Variants in TSC22D1 observed in about 807,000 individuals in gnomAD.
TSC22D1 encodes TSC22 domain family member 1.
TSC22D1 carries 9 observed loss-of-function variants against 74.2 expected under a neutral mutation model. The observed-to-expected ratio is 0.12, with a 90% confidence interval of 0.07 to 0.21. TSC22D1 has a LOEUF of 0.21. TSC22D1 is among the 10% of genes least tolerant of loss of function. The pLI is 1.00. For synonymous variants in TSC22D1, 586 were observed against 492.5 expected (o/e 1.19, Z -2.51); for missense variants, 1,427 against 1,304.7 (o/e 1.09, Z -1.44).
At chr13:44,554,120 G>C (rs1038219993) in intron 1 of TSC22D1, among the ~76,000 whole-genome samples, 4 of 152,118 alleles carry the variant, frequency 2.6e-5, no homozygotes, top group Non-Finnish European at 4.4e-5. Context: ...TCGATTTACA[G>C]AACTATCAAG....
intron 1 of TSC22D1, among the ~76,000 whole-genome samples, chr13:44,463,197 G>C (rs1877094641): frequency 6.6e-6 from 1 of 152,150 alleles, no homozygotes; most frequent in Non-Finnish European, 1.5e-5. Flanking sequence ...CACCATCTCT[G>C]TATAAGCATA....
At chr13:44,454,372 A>G (rs1315851176) in intron 1 of TSC22D1, among the ~76,000 whole-genome samples, 1 of 152,178 alleles carries the variant, frequency 6.6e-6, no homozygotes, top group Admixed American at 6.5e-5. Context: ...ACATTATGTA[A>G]ACATATATAA....
chr13:44,518,722 T>C lies in TSC22D1; in HGVS notation c.2912+54441A>G, dbSNP rs1024781030. 7.2e-5 allele frequency among the ~76,000 whole-genome samples: 11 copies of C among 152,270 alleles called. No homozygotes were observed. In the South Asian group the frequency reaches 2.3e-3, roughly 32 times the overall value. ...ATCTTAAAAGGAAAGACATTGCGCT[T>C]TGATTGTATTTAATAGGCAAACTGA... On this transcript the variant is annotated intron_variant, in intron 1 of 2. Coordinates refer to ENST00000458659, the MANE Select transcript of TSC22D1 (RefSeq NM_183422.4).
intron 1 of TSC22D1, among the ~76,000 whole-genome samples, chr13:44,467,891 G>C (rs1953061): frequency 0.34 from 51,800 of 151,900 alleles, 10,379 homozygotes; most frequent in Middle Eastern, 0.54. Flanking sequence ...CCACTACTGG[G>C]TATTTACCAA....
intron 1 of TSC22D1, among the ~76,000 whole-genome samples, chr13:44,554,138 C>T (rs924895615): frequency 6.6e-6 from 1 of 152,226 alleles, no homozygotes; most frequent in Non-Finnish European, 1.5e-5. Context: ...AAGAACTGAG[C>T]CAGGTGCATT....
intron 1 of TSC22D1, among the ~76,000 whole-genome samples, chr13:44,525,248 A>C (rs536370172): frequency 7.9e-5 from 12 of 152,300 alleles, no homozygotes; most frequent in Middle Eastern, 3.4e-3. Flanking sequence ...TACTACAATC[A>C]ACAGAGCTCC....
Position 44,575,671 on chromosome 13 carries a change from G to A in TSC22D1, c.404C>T (p.Thr135Ile). ...TTCATCCAGATCATCATAGCTCTCA[G>A]TGTCCTCTGCTATACTGTTGTTAGA... ...ISSNNSIAEDTESYDDLDESH... is the reference protein window; with the variant it reads ...ISSNNSIAEDIESYDDLDESH... The change falls in exon 1 of 3, where the codon ACT becomes ATT. Residue 135 changes from threonine to isoleucine, a missense_variant. By Grantham distance (89) the Thr-to-Ile change is moderately conservative. Around this residue, in one of 3 missense-constraint regions of TSC22D1, gnomAD observed 1,343 missense variants for 1,191.5 expected, o/e 1.13. Transcript: ENST00000458659. 3 of 1,614,200 alleles carry A rather than the reference G, an allele frequency of 1.9e-6. No homozygotes were observed. Among genetic ancestry groups the A allele is most frequent in the Non-Finnish European group, 2.5e-6 (3 of 1,180,028 alleles).
At chr13:44,530,779 G>A (rs1377355406) in intron 1 of TSC22D1, among the ~76,000 whole-genome samples, 1 of 152,056 alleles carries the variant, frequency 6.6e-6, no homozygotes, top group Non-Finnish European at 1.5e-5. Context: ...TTAGGGAATT[G>A]CAAATTAAAA....
intron 1 of TSC22D1, among the ~76,000 whole-genome samples, chr13:44,490,898 G>A (rs1013319140): frequency 2.1e-5 from 3 of 145,412 alleles, no homozygotes; most frequent in Admixed American, 6.9e-5. Flanking sequence ...GTGAAACTCC[G>A]TCTCATTAAA....
At chr13:44,512,809 C>A (rs889019391) in intron 1 of TSC22D1, among the ~76,000 whole-genome samples, 9 of 152,216 alleles carry the variant, frequency 5.9e-5, no homozygotes, top group Admixed American at 5.9e-4. Context: ...GCCATCACGC[C>A]CAGCTAATTA....
chr13:44,561,812 G>C (rs532938033), intron 1 of TSC22D1, among the ~76,000 whole-genome samples: 10 of 152,040 alleles, frequency 6.6e-5, no homozygotes, highest in African/African-American at 2.4e-4. Flanking sequence ...ATTTAAAATA[G>C]GTGAAAAAAA....
rs909913561 is a variant in TSC22D1 at position 44,538,353 on chromosome 13, T to G, written c.2912+34810A>C. The G allele has an allele frequency of 4.1e-5, 40 of 985,236 alleles. No homozygotes were observed. The Middle Eastern group carries it at 2.1e-3, about 51-fold the overall frequency. The allele number at this position is 985,236 out of a possible 1,614,324, so 61.0% of individuals were successfully genotyped here. A position where few individuals can be genotyped will look rare whatever the true frequency, so the allele number is the denominator to read the frequency against. On this transcript the variant is annotated intron_variant, in intron 1 of 2. Transcript: ENST00000458659. The stretch of plus-strand genomic sequence containing the variant: ...TGAGCTAAAAGAGTATATCCTAATA[T>G]TAAAAGCAGTTTTCGAATAATTAAG...
Position 44,432,382 on chromosome 13 carries a change from T to C in TSC22D1, c.*2244A>G, listed in dbSNP as rs553377242. On this transcript the variant is annotated 3_prime_UTR_variant, in exon 3 of 3. Transcript: ENST00000458659. ...AAAATGAAATGGCTAGGGATTTCTA[T>C]TCACTATAGTTTTTTCAAGGAAATG... is the stretch of plus-strand genomic sequence containing the variant. 10 of 152,358 alleles carry C rather than the reference T, an allele frequency of 6.6e-5. No individual in the cohort carries two copies. The East Asian group carries it at 1.5e-3, about 23-fold the overall frequency. 9.4% of individuals were successfully genotyped at this position (152,358 alleles called of 1,614,324 possible).
intron 1 of TSC22D1, among the ~76,000 whole-genome samples, chr13:44,476,307 T>C (rs1877906617): frequency 6.6e-6 from 1 of 152,146 alleles, no homozygotes. Flanking sequence ...AATTTAAATA[T>C]AAAAATACAT....
chr13:44,471,733 C>T (rs1368489628), intron 1 of TSC22D1, among the ~76,000 whole-genome samples: 1 of 152,162 alleles, frequency 6.6e-6, no homozygotes, highest in East Asian at 1.9e-4. Flanking sequence ...ATGACTAAGT[C>T]TCCTTTGACA....
chr13:44,478,676 A>G (rs926206859), intron 1 of TSC22D1, among the ~76,000 whole-genome samples: 1 of 152,192 alleles, frequency 6.6e-6, no homozygotes, highest in Non-Finnish European at 1.5e-5. Context: ...ATAAGCCACC[A>G]TCAAACTATT....
Position 44,541,000 on chromosome 13 carries a change from TC to T in TSC22D1, c.2912+32162del, listed in dbSNP as rs547799516. Among the ~76,000 whole-genome samples the T allele has an allele frequency of 5.9e-3, 892 of 152,328 alleles. 5 individuals are homozygous for T. Among genetic ancestry groups the T allele is most frequent in the Non-Finnish European group, 9.5e-3 (645 of 68,004 alleles). Reference sequence around the variant, plus strand: ...GTACAGTCAGTCACAGTATCCTATTTCTAGGACATGTTATATTTTGGGATAA... The same window carrying T: ...GTACAGTCAGTCACAGTATCCTATTTTAGGACATGTTATATTTTGGGATAA... On this transcript the variant is annotated intron_variant, in intron 1 of 2. Transcript: ENST00000458659.
In TSC22D1 at chr13:44,574,101, T is replaced by C; in HGVS notation, c.1974A>G (p.Gln658=). The C allele has an allele frequency of 1.4e-5, 23 of 1,614,236 alleles. No homozygotes were observed. Among genetic ancestry groups the C allele is most frequent in the Non-Finnish European group, 1.9e-5 (23 of 1,180,036 alleles). Residue 658 remains glutamine, a synonymous_variant, in exon 1 of 3, where the codon CAA becomes CAG. Transcript: ENST00000458659. ...VTQNPASEYV[Q]QQPILQTAMS... is the part of the protein sequence containing the mutation. ...TTGCTGTTTGAAGAATTGGCTGCTG[T>C]TGTACATACTCTGAAGCAGGATTTT...
In TSC22D1 at chr13:44,468,002, G is replaced by GCA. The variant is rs760189961; in HGVS notation, c.2913-31909_2913-31908dup. Among the ~76,000 whole-genome samples, 10 of 149,590 alleles carry GCA rather than the reference G, an allele frequency of 6.7e-5. No individual in the cohort carries two copies. In the East Asian group the frequency reaches 1.2e-3, roughly 17 times the overall value. On this transcript the variant is annotated intron_variant, in intron 1 of 2. Coordinates refer to ENST00000458659, the MANE Select transcript of TSC22D1 (RefSeq NM_183422.4). ...ATGGGATCAACCTATACACACACGC[G>GCA]CACACACACACACACACACAATGGA...
Sources: allele counts gnomAD v4.1 joint callset (sites outside exome capture counted in the v4.1 genomes callset), GRCh38; gene constraint gnomAD v4.1.1; regional missense constraint gnomAD v4.1.1; transcripts MANE v1.5; gene names NCBI Gene and HGNC (gene_info 2026-07-23, HGNC 2026-07-21).